The following MARCHF1 variants were observed in gnomAD, a reference collection of about 807,000 sequenced individuals.
MARCHF1 encodes the protein membrane associated ring-CH-type finger 1, also known as E3 ubiquitin-protein ligase MARCHF1.
Under a neutral mutation model 54.2 loss-of-function variants are expected in MARCHF1, and 40 were observed. The observed-to-expected ratio is 0.74, with a 90% CI of 0.57 to 0.96. The LOEUF (loss-of-function observed/expected upper bound fraction) is 0.96, where lower values mean the gene tolerates loss of function less well. Ranked by LOEUF, MARCHF1 falls within the 40% of genes least tolerant of loss-of-function variation. The pLI is 0.00. For missense variants in MARCHF1, 586 were observed against 656.5 expected (o/e 0.89, Z 1.17); for synonymous variants, 236 against 236.3 (o/e 1.00, Z 0.01).
At chr4:164,081,373 G>C (rs1158729622) in intron 2 of MARCHF1, among the ~76,000 whole-genome samples, 1 of 151,914 alleles carries the variant, frequency 6.6e-6, no homozygotes, top group East Asian at 1.9e-4. Context: ...AAATAATACT[G>C]TTTTAATAAA....
intron 5 of MARCHF1, among the ~76,000 whole-genome samples, chr4:163,690,692 T>C (rs1016470513): frequency 1.3e-5 from 2 of 152,128 alleles, no homozygotes; most frequent in Admixed American, 1.3e-4. Context: ...GGGGATATAT[T>C]TCATACTCTC....
chr4:163,671,489 A>G (rs1236317539), intron 5 of MARCHF1, among the ~76,000 whole-genome samples: 5 of 152,196 alleles, frequency 3.3e-5, no homozygotes, highest in Non-Finnish European at 7.4e-5. Flanking sequence ...CAAGTGTTTT[A>G]CTAATTGCAT....
chr4:163,608,677 T>G (rs950565), intron 7 of MARCHF1, among the ~76,000 whole-genome samples: 116,077 of 151,944 alleles, frequency 0.76, 45,586 homozygotes, highest in Non-Finnish European at 0.85. Context: ...TAGAGATACT[T>G]TCTCTGAAAA....
intron 8 of MARCHF1, among the ~76,000 whole-genome samples, chr4:163,575,538 GTT>G (rs562657307): frequency 5.9e-4 from 89 of 152,084 alleles, no homozygotes; most frequent in Non-Finnish European, 8.7e-4. Context: ...CTTGGCCAGG[GTT>G]GTTATCAGAG....
intron 1 of MARCHF1, among the ~76,000 whole-genome samples, chr4:164,145,259 A>C (rs1448258535): frequency 1.3e-5 from 2 of 152,218 alleles, no homozygotes; most frequent in Admixed American, 1.3e-4. Context: ...AAGAACTGGT[A>C]CCATTCCTTC....
intron 1 of MARCHF1, among the ~76,000 whole-genome samples, chr4:164,148,647 A>G (rs530966745): frequency 1.3e-5 from 2 of 152,174 alleles, no homozygotes; most frequent in Non-Finnish European, 1.5e-5. Context: ...ATTTATTGTT[A>G]TAAGAAAAAT....
At chr4:164,219,027 C>T (rs1176021435) in intron 1 of MARCHF1, among the ~76,000 whole-genome samples, 1 of 151,938 alleles carries the variant, frequency 6.6e-6, no homozygotes, top group Non-Finnish European at 1.5e-5. Flanking sequence ...TACTTTATTC[C>T]ATTATTTCCT....
intron 4 of MARCHF1, among the ~76,000 whole-genome samples, chr4:163,794,994 A>G (rs1354546325): frequency 6.6e-6 from 1 of 151,978 alleles, no homozygotes; most frequent in Non-Finnish European, 1.5e-5. Flanking sequence ...TTCTTCACCT[A>G]TTTTCTTTCT....
Position 163,612,278 on chromosome 4 carries a change from C to A in MARCHF1, c.1003G>T (p.Val335Leu). 1 of 1,501,456 alleles carries A rather than the reference C, an allele frequency of 6.7e-7. No individual in the cohort carries two copies. Among genetic ancestry groups the A allele is most frequent in the Non-Finnish European group, 8.8e-7 (1 of 1,134,496 alleles). The allele number at this position is 1,501,456 out of a possible 1,614,324, so 93.0% of individuals were successfully genotyped here. The change falls in exon 7 of 10, where the codon GTA becomes TTA. Residue 335 changes from valine to leucine, a missense_variant. Val to Leu is a conservative substitution (Grantham distance 32, BLOSUM62 1). Coordinates refer to ENST00000514618, the MANE Select transcript of MARCHF1 (RefSeq NM_001394959.1). Reference protein sequence around the residue: ...TYDDGSDNLEVCRICHCEGDE... With the variant: ...TYDDGSDNLELCRICHCEGDE... Reference sequence around the variant, plus strand: ...TTCTCTACAGTGACTGACCTGCATACTTCTAAATTATCAGACCCATCGTCA... The same window carrying A: ...TTCTCTACAGTGACTGACCTGCATAATTCTAAATTATCAGACCCATCGTCA...
chr4:164,221,335 T>C (rs1042055285), intron 1 of MARCHF1, among the ~76,000 whole-genome samples: 2 of 151,802 alleles, frequency 1.3e-5, no homozygotes, highest in African/African-American at 4.8e-5. Flanking sequence ...AGACATTAAA[T>C]AAGAAATTAC....
chr4:164,231,899 A>G (rs1175202910), intron 1 of MARCHF1, among the ~76,000 whole-genome samples: 1 of 152,138 alleles, frequency 6.6e-6, no homozygotes, highest in Admixed American at 6.6e-5. Context: ...GGACAACTAT[A>G]TGCTTTGACA....
At chr4:164,200,301 T>C (rs1053426723) in intron 1 of MARCHF1, among the ~76,000 whole-genome samples, 5 of 152,240 alleles carry the variant, frequency 3.3e-5, no homozygotes, top group Non-Finnish European at 7.3e-5. Flanking sequence ...TTTTGAGCTG[T>C]TTCCCAGAAG....
Position 164,191,888 on chromosome 4 carries a change from T to C in MARCHF1, c.-322-80226A>G, listed in dbSNP as rs540362557. Among the ~76,000 whole-genome samples the C allele has an allele frequency of 5.3e-5, 8 of 152,290 alleles. No individual in the cohort carries two copies. The East Asian group carries it at 1.3e-3, about 26-fold the overall frequency. On this transcript the variant is annotated intron_variant, in intron 1 of 9. Transcript: ENST00000514618. ...TTAGTATATCATATGTGTTGTAACA[T>C]TGTGTTTCTATTCTTATCATTGTAA...
intron 4 of MARCHF1, among the ~76,000 whole-genome samples, chr4:163,745,854 A>C (rs1746343457): frequency 6.6e-6 from 1 of 151,616 alleles, no homozygotes; most frequent in Non-Finnish European, 1.5e-5. Context: ...AAAAAAAGAG[A>C]CTTTATTTTT....
At chr4:163,903,489 GT>G (rs1439480158) in intron 3 of MARCHF1, among the ~76,000 whole-genome samples, 3 of 152,156 alleles carry the variant, frequency 2.0e-5, no homozygotes, top group Non-Finnish European at 4.4e-5. Flanking sequence ...TGATTTGTAT[GT>G]TTTAAATCTA....
At chr4:163,541,073 C>T (rs370766675) in intron 9 of MARCHF1, among the ~76,000 whole-genome samples, 1 of 152,274 alleles carries the variant, frequency 6.6e-6, no homozygotes, top group African/African-American at 2.4e-5. Context: ...GAGCTAGAAC[C>T]CTGGCCTTCT....
At chr4:163,632,247 G>C (rs145865711) in intron 5 of MARCHF1, among the ~76,000 whole-genome samples, 203 of 152,318 alleles carry the variant, frequency 1.3e-3, no homozygotes, top group African/African-American at 4.6e-3. Context: ...GAGGAGCCAA[G>C]ATGGCCGAAT....
intron 3 of MARCHF1, among the ~76,000 whole-genome samples, chr4:163,888,752 A>G (rs1284664874): frequency 1.3e-5 from 2 of 152,168 alleles, no homozygotes; most frequent in African/African-American, 4.8e-5. Flanking sequence ...AAATTTATCA[A>G]GACAACCCCT....
chr4:163,961,597 A>G (rs1752347824), intron 3 of MARCHF1, among the ~76,000 whole-genome samples: 2 of 151,910 alleles, frequency 1.3e-5, no homozygotes, highest in Non-Finnish European at 2.9e-5. Flanking sequence ...ATCTCGGTTT[A>G]CCATGAGCTG....
Sources: gnomAD v4.1 joint callset for allele counts (sites outside exome capture counted in the v4.1 genomes callset) on GRCh38, gnomAD v4.1.1 for gene constraint, MANE v1.5 for transcripts, NCBI Gene and HGNC (gene_info 2026-07-23, HGNC 2026-07-21) for gene names.